The following ARHGAP32 variants were observed in gnomAD, a reference collection of about 807,000 sequenced individuals.
ARHGAP32 encodes the protein Rho GTPase activating protein 32, also known as rho GTPase-activating protein 32.
Under a neutral mutation model 186.5 loss-of-function variants are expected in ARHGAP32, and 51 were observed. The ratio of observed to expected loss-of-function variants is 0.27; its 90% CI spans 0.22 to 0.35. The LOEUF is 0.35. Ranked by LOEUF, ARHGAP32 falls within the 10% of genes least tolerant of loss-of-function variation. ARHGAP32 has a pLI of 1.00. For synonymous variants in ARHGAP32, 950 were observed against 964.3 expected, an observed-to-expected ratio of 0.99 and a Z score of 0.27; for missense variants, 2,186 against 2,623.5, an observed-to-expected ratio of 0.83 and a Z score of 3.64.
intron 10 of ARHGAP32, among the ~76,000 whole-genome samples, chr11:129,049,483 T>C (rs1006611281): frequency 7.2e-5 from 11 of 152,200 alleles, no homozygotes; most frequent in Non-Finnish European, 1.3e-4. Flanking sequence ...TTATAATATA[T>C]CCATCAACCC....
chr11:129,143,223 T>G (rs1429845860), intron 2 of ARHGAP32, among the ~76,000 whole-genome samples: 1 of 152,022 alleles, frequency 6.6e-6, no homozygotes, highest in East Asian at 1.9e-4. Flanking sequence ...TTAGAAGATT[T>G]TACCATTGGT....
chr11:128,974,632 G>A lies in ARHGAP32; in HGVS notation c.2565C>T (p.Ser855=). ...CTGTGCTTCCTGGAGTCTGACATTG[G>A]CTACTACCTGTTTCTGCATCCTTTT... is the stretch of plus-strand genomic sequence containing the variant. ...ANKKDAETGS[S]QCQTPGSTAS... is the part of the protein sequence containing the mutation. Residue 855 remains serine, a synonymous_variant, in exon 21 of 23, where the codon AGC becomes AGT. Coordinates refer to ENST00000682385, the MANE Select transcript of ARHGAP32 (RefSeq NM_001378024.1). 2 of 1,614,140 alleles carry A rather than the reference G, an allele frequency of 1.2e-6. No individual in the cohort carries two copies. The highest frequency in any genetic ancestry group is 1.1e-5 in the South Asian group (1 of 91,074).
chr11:129,054,349 A>G (rs1204708228), intron 10 of ARHGAP32, among the ~76,000 whole-genome samples: 1 of 152,174 alleles, frequency 6.6e-6, no homozygotes, highest in Non-Finnish European at 1.5e-5. Flanking sequence ...ACCTGCACAC[A>G]AGATAAACAG....
Position 129,024,350 on chromosome 11 carries a change from T to G in ARHGAP32, c.1045+16578A>C, listed in dbSNP as rs528757787. Reference sequence around the variant, plus strand: ...ATTATGTCTTTTCTCTTTTTAAAAGTTAATTGCTTTTCAGTTGTTTGCTAA... The same window carrying G: ...ATTATGTCTTTTCTCTTTTTAAAAGGTAATTGCTTTTCAGTTGTTTGCTAA... On this transcript the variant is annotated intron_variant, in intron 11 of 22. Transcript: ENST00000682385. 1.8e-4 allele frequency among the ~76,000 whole-genome samples: 28 copies of G among 152,374 alleles called. No individual in the cohort carries two copies. In the South Asian group the frequency reaches 5.6e-3, roughly 30 times the overall value.
upstream of ARHGAP32, among the ~76,000 whole-genome samples, chr11:129,193,651 C>T (rs1235582983): frequency 4.7e-3 from 222 of 46,890 alleles, 2 homozygotes; most frequent in African/African-American, 0.017. Context: ...TTATATAATA[C>T]ATATACAATA....
At chr11:129,250,799 G>C (rs890443510) in intron 1 of ARHGAP32, among the ~76,000 whole-genome samples, 15 of 152,132 alleles carry the variant, frequency 9.9e-5, no homozygotes, top group African/African-American at 3.4e-4. Flanking sequence ...TCAATTGAAA[G>C]AGTTTTAACT....
intron 1 of ARHGAP32, among the ~76,000 whole-genome samples, chr11:129,206,422 G>A (rs780888663): frequency 7.2e-5 from 11 of 152,030 alleles, no homozygotes; most frequent in African/African-American, 1.4e-4. Context: ...ATGTTGTCCC[G>A]GCTGGTCTCA....
At chr11:129,043,455 C>T (rs998227622) in intron 10 of ARHGAP32, among the ~76,000 whole-genome samples, 1 of 146,228 alleles carries the variant, frequency 6.8e-6, no homozygotes, top group Non-Finnish European at 1.5e-5. Flanking sequence ...GACGCGACCT[C>T]GGCTCACTGT....
intron 6 of ARHGAP32, among the ~76,000 whole-genome samples, chr11:129,092,434 C>T (rs540793166): frequency 6.6e-6 from 1 of 151,892 alleles, no homozygotes; most frequent in African/African-American, 2.4e-5. Context: ...TTAGTAATCA[C>T]TTATCATAAA....
rs190320840 is a variant in ARHGAP32 at position 129,078,210 on chromosome 11, A to G, written c.532-11342T>C. On this transcript the variant is annotated intron_variant, in intron 6 of 22. Transcript: ENST00000682385. Reference sequence around the variant, plus strand: ...GGCTAGATCCAGGAGAGCAATAACAATCACTGCAGTCCAGCTCTCAGGAAG... The same window carrying G: ...GGCTAGATCCAGGAGAGCAATAACAGTCACTGCAGTCCAGCTCTCAGGAAG... Among the ~76,000 whole-genome samples the G allele has an allele frequency of 1.3e-3, 192 of 152,142 alleles. 3 individuals are homozygous for G. The highest frequency in any genetic ancestry group is 4.4e-3 in the African/African-American group (181 of 41,530).
chr11:129,041,492 TAAAAA>T (rs5795655), intron 10 of ARHGAP32, among the ~76,000 whole-genome samples: 13 of 130,388 alleles, frequency 1.0e-4, no homozygotes, highest in African/African-American at 3.6e-4. Context: ...CCAGGTTTCA[TAAAAA>T]AAAAAAAAAA....
At chr11:128,973,628 A>AC in intron 21 of ARHGAP32, 196 bp from the exon 22 acceptor site, 1 of 616,204 alleles carries the variant, frequency 1.6e-6, no homozygotes, top group Non-Finnish European at 2.8e-6. Context: ...TAAAACAAAC[A>AC]GTGTATAAAG....
chr11:129,002,832 G>T (rs1487345086), intron 11 of ARHGAP32, among the ~76,000 whole-genome samples: 7 of 126,872 alleles, frequency 5.5e-5, no homozygotes, highest in African/African-American at 1.2e-4. Context: ...TTTTTGAGAC[G>T]GAGTCTCGCT....
At chr11:129,133,025 C>G (rs1456945122) in intron 2 of ARHGAP32, among the ~76,000 whole-genome samples, 2 of 152,100 alleles carry the variant, frequency 1.3e-5, no homozygotes, top group Non-Finnish European at 2.9e-5. Context: ...ATTCCACAGG[C>G]TGTGTAGGAA....
At chr11:129,011,308 G>C (rs1263790752) in intron 11 of ARHGAP32, among the ~76,000 whole-genome samples, 2 of 152,152 alleles carry the variant, frequency 1.3e-5, no homozygotes, top group African/African-American at 4.8e-5. Context: ...ACATAACCAG[G>C]ATTCCGAATC....
Position 128,993,930 on chromosome 11 carries a change from A to C in ARHGAP32, c.1195+4389T>G, listed in dbSNP as rs192933782. On this transcript the variant is annotated intron_variant, in intron 12 of 22. Coordinates refer to ENST00000682385, the MANE Select transcript of ARHGAP32 (RefSeq NM_001378024.1). The stretch of plus-strand genomic sequence containing the variant: ...TGACAAAAAATCAATGATACCAAAA[A>C]ACTCTGTTCCACTCAAATAGATTTT... Among the ~76,000 whole-genome samples, 15 of 152,162 alleles carry C rather than the reference A, an allele frequency of 9.9e-5. No homozygotes were observed. The East Asian group carries it at 1.7e-3, about 18-fold the overall frequency.
intron 2 of ARHGAP32, 78 bp from the exon 3 acceptor site, chr11:129,124,972 T>G: frequency 9.5e-7 from 1 of 1,054,918 alleles, no homozygotes; most frequent in South Asian, 1.6e-5. Flanking sequence ...ATAATTTATG[T>G]TAATAGTTCT....
chr11:129,088,763 C>A (rs537521961), intron 6 of ARHGAP32, among the ~76,000 whole-genome samples: 1 of 152,228 alleles, frequency 6.6e-6, no homozygotes, highest in African/African-American at 2.4e-5. Flanking sequence ...TTGCTACCAG[C>A]TGGGCACAAT....
rs192404469 is a variant in ARHGAP32 at position 129,192,270 on chromosome 11, A to G, written c.-72T>C. 7 of 1,043,430 alleles carry G rather than the reference A, an allele frequency of 6.7e-6. No individual in the cohort carries two copies. The Admixed American group carries it at 1.0e-4, about 16-fold the overall frequency. 64.6% of individuals were successfully genotyped at this position (1,043,430 alleles called of 1,614,324 possible). A position where few individuals can be genotyped will look rare whatever the true frequency, so the allele number is the denominator to read the frequency against. On this transcript the variant is annotated 5_prime_UTR_variant, in exon 1 of 23. Coordinates refer to ENST00000682385, the MANE Select transcript of ARHGAP32 (RefSeq NM_001378024.1). ...AAAAGCACCAACATTCAGGTTGTTC[A>G]GCTCTACTCATGTATACTCAGATGT...
Sources: gnomAD v4.1 joint callset for allele counts (sites outside exome capture counted in the v4.1 genomes callset) on GRCh38, gnomAD v4.1.1 for gene constraint, MANE v1.5 for transcripts, NCBI Gene and HGNC (gene_info 2026-07-23, HGNC 2026-07-21) for gene names.